Variants in MRPS25 observed in about 807,000 individuals in gnomAD.
MRPS25 encodes the protein small ribosomal subunit protein mS25.
In MRPS25, 15 loss-of-function variants were observed where a neutral mutation model predicts 17.3. That is an observed-to-expected ratio of 0.87 (90% CI 0.58 to 1.34). The LOEUF is 1.34. Ranked by LOEUF, MRPS25 falls within the 40% of genes most tolerant of loss-of-function variation. The pLI, the probability that MRPS25 is intolerant of heterozygous loss-of-function variation, is 0.00. For missense variants in MRPS25, 225 were observed against 218.6 expected (o/e 1.03, Z -0.19); for synonymous variants, 94 against 83.3 (o/e 1.13, Z -0.70).
downstream of MRPS25, chr3:15,044,082 G>A (rs2042366498): frequency 6.6e-6 from 1 of 152,150 alleles, no homozygotes; most frequent in Non-Finnish European, 1.5e-5. Flanking sequence ...ATGCCCCCTT[G>A]AAAAGGGCTC....
intron 2 of MRPS25, among the ~76,000 whole-genome samples, chr3:15,054,010 A>T (rs2125132834): frequency 6.6e-6 from 1 of 152,330 alleles, no homozygotes; most frequent in East Asian, 1.9e-4. Flanking sequence ...TAATTCCAGC[A>T]CTTTGGGAGG....
downstream of MRPS25, chr3:15,043,006 T>C: frequency 6.2e-7 from 1 of 1,613,816 alleles, no homozygotes; most frequent in Non-Finnish European, 8.5e-7. Flanking sequence ...AGCCAGTCTA[T>C]AGCGCAAACC....
intron 2 of MRPS25, among the ~76,000 whole-genome samples, chr3:15,056,589 A>T (rs1373730635): frequency 6.6e-6 from 1 of 152,192 alleles, no homozygotes; most frequent in African/African-American, 2.4e-5. Flanking sequence ...CGCATATGCA[A>T]GGTTGCTGGC....
At chr3:15,044,765 GC>G (rs1466447525), downstream of MRPS25, 2 of 152,244 alleles carry the variant, frequency 1.3e-5, no homozygotes, top group African/African-American at 4.8e-5. Context: ...AGCTACAGAC[GC>G]CCCTGTGGTG....
intron 2 of MRPS25, among the ~76,000 whole-genome samples, chr3:15,057,136 G>A (rs563981864): frequency 1.3e-5 from 2 of 152,360 alleles, no homozygotes; most frequent in Non-Finnish European, 2.9e-5. Flanking sequence ...GCCCTGTGGA[G>A]TACTGCTGGG....
At position 15,051,063 on chromosome 3, in the gene MRPS25, C is replaced by G. The variant is rs557593458; in HGVS notation, c.*1378G>C. 54 of 984,146 alleles carry G rather than the reference C, an allele frequency of 5.5e-5. 1 individual carries two copies. In the South Asian group the frequency reaches 1.4e-3, roughly 26 times the overall value. The allele number at this position is 984,146 out of a possible 1,614,324, so 61.0% of individuals were successfully genotyped here. A position where few individuals can be genotyped will look rare whatever the true frequency, so the allele number is the denominator to read the frequency against. On this transcript the variant is annotated 3_prime_UTR_variant, in exon 4 of 4. Transcript: ENST00000253686. ...AACTTCAGTCCTGCTCTGTCAAGCA[C>G]CACTGTCCTTTTTTAATTCTTTTAA...
At chr3:15,044,208 A>G (rs896372350), downstream of MRPS25, 5 of 152,092 alleles carry the variant, frequency 3.3e-5, no homozygotes, top group African/African-American at 7.2e-5. Context: ...TTTCAGGACA[A>G]TTTCTTCCTG....
chr3:15,051,933 G>A lies in MRPS25; in HGVS notation c.*508C>T, dbSNP rs1038908932. ...GTACTTAAAAAAGTGAGCACTGCAC[G>A]AAGGGTTGCCTTTGGATTTCTGAAA... On this transcript the variant is annotated 3_prime_UTR_variant, in exon 4 of 4. Transcript: ENST00000253686. 1.3e-5 allele frequency: 13 copies of A among 985,858 alleles called. No individual in the cohort carries two copies. Among genetic ancestry groups the A allele is most frequent in the African/African-American group, 7.0e-5 (4 of 57,392 alleles). 61.1% of individuals were successfully genotyped at this position (985,858 alleles called of 1,614,324 possible).
intron 2 of MRPS25, among the ~76,000 whole-genome samples, chr3:15,056,376 T>C (rs1410971088): frequency 1.3e-5 from 2 of 152,186 alleles, no homozygotes; most frequent in Admixed American, 6.5e-5. Flanking sequence ...GGCAGAATAA[T>C]GGTCCCCAGA....
At chr3:15,043,148 C>T, downstream of MRPS25, 1 of 670,772 alleles carries the variant, frequency 1.5e-6, no homozygotes, top group Non-Finnish European at 2.2e-6. Flanking sequence ...ATCTGTTAAT[C>T]CCAGACAATA....
At chr3:15,053,583 A>G (rs903152266) in intron 2 of MRPS25, 116 bp from the exon 3 acceptor site, 22 of 1,118,062 alleles carry the variant, frequency 2.0e-5, no homozygotes, top group Non-Finnish European at 2.8e-5. Context: ...AATAAAATAG[A>G]TATACTTGTT....
chr3:15,053,282 G>T, intron 3 of MRPS25, 98 bp downstream of exon 3: 2 of 1,571,252 alleles, frequency 1.3e-6, no homozygotes, highest in South Asian at 1.2e-5. Flanking sequence ...CACTGTCAGA[G>T]AATCTTACCT....
At position 15,059,444 on chromosome 3, in the gene MRPS25, G is replaced by T. The variant is rs776698476; in HGVS notation, c.166C>A (p.Gln56Lys). 2 of 1,613,482 alleles carry T rather than the reference G, an allele frequency of 1.2e-6. No individual in the cohort carries two copies. Among genetic ancestry groups the T allele is most frequent in the Non-Finnish European group, 1.7e-6 (2 of 1,179,556 alleles). ...KFVFFNIPQI[Q>K]YKNPWVQIMM... Reference sequence around the variant, plus strand: ...ATCTGCACCCAAGGGTTTTTGTATTGAATCTGAGGTATGTTGAAAAACACA... The same window carrying T: ...ATCTGCACCCAAGGGTTTTTGTATTTAATCTGAGGTATGTTGAAAAACACA... Residue 56 changes from glutamine to lysine, a missense_variant, in exon 2 of 4, where the codon CAA becomes AAA. Gln to Lys is a moderately conservative substitution (Grantham distance 53). Transcript: ENST00000253686.
At chr3:15,042,800 C>T (rs750405971), downstream of MRPS25, 6 of 1,597,910 alleles carry the variant, frequency 3.8e-6, no homozygotes, top group East Asian at 2.2e-5. Flanking sequence ...GGGCATCAAA[C>T]AGTCTCCTTT....
intron 2 of MRPS25, among the ~76,000 whole-genome samples, chr3:15,059,092 G>C (rs2042711017): frequency 6.6e-6 from 1 of 150,892 alleles, no homozygotes; most frequent in Admixed American, 6.6e-5. Flanking sequence ...GAACAATCTT[G>C]AGCAAAGGCA....
At chr3:15,057,385 T>C (rs2042686511) in intron 2 of MRPS25, among the ~76,000 whole-genome samples, 1 of 152,076 alleles carries the variant, frequency 6.6e-6, no homozygotes, top group Non-Finnish European at 1.5e-5. Flanking sequence ...CTTACAAAAA[T>C]CTAAAGGGTC....
At chr3:15,056,533 C>T (rs1375549630) in intron 2 of MRPS25, among the ~76,000 whole-genome samples, 1 of 152,198 alleles carries the variant, frequency 6.6e-6, no homozygotes, top group Non-Finnish European at 1.5e-5. Flanking sequence ...ACTGCAGCAC[C>T]TGACCAGGCT....
downstream of MRPS25, chr3:15,045,173 A>C (rs2042406388): frequency 6.6e-6 from 1 of 152,202 alleles, no homozygotes; most frequent in Admixed American, 6.5e-5. Context: ...TGGTGCCTCT[A>C]ACACAGATTG....
At chr3:15,055,159 G>C (rs996803903) in intron 2 of MRPS25, among the ~76,000 whole-genome samples, 5 of 152,168 alleles carry the variant, frequency 3.3e-5, no homozygotes, top group Non-Finnish European at 5.9e-5. Context: ...ACAGACCACA[G>C]TACCAAAGCG....
Sources: gnomAD v4.1 joint callset for allele counts (sites outside exome capture counted in the v4.1 genomes callset) on GRCh38, gnomAD v4.1.1 for gene constraint, MANE v1.5 for transcripts, NCBI Gene and HGNC (gene_info 2026-07-23, HGNC 2026-07-21) for gene names.